Variants in NIN observed in about 807,000 individuals in gnomAD.
NIN encodes ninein.
NIN carries 137 observed loss-of-function variants against 257.6 expected under a neutral mutation model. The observed-to-expected ratio is 0.53, with a 90% CI of 0.46 to 0.61. The LOEUF is 0.61. NIN is among the 20% of genes least tolerant of loss of function. The pLI, the probability that NIN is intolerant of heterozygous loss-of-function variation, is 0.00. For missense variants in NIN, 2,439 were observed against 2,501.2 expected (o/e 0.98, Z 0.53); for synonymous variants, 918 against 919.8 (o/e 1.00, Z 0.04).
chr14:50,748,553 G>C (rs1390499227), intron 21 of NIN, among the ~76,000 whole-genome samples: 2 of 152,152 alleles, frequency 1.3e-5, no homozygotes, highest in Non-Finnish European at 2.9e-5. Context: ...CAGATGACGT[G>C]ATTGTGTATT....
chr14:50,723,904 A>G (rs945062749), intron 30 of NIN: 4 of 488,368 alleles, frequency 8.2e-6, no homozygotes, highest in African/African-American at 7.8e-5. Context: ...GTCAGTTACT[A>G]ATAGAACAGA....
chr14:50,809,318 G>A (rs753493502), intron 3 of NIN, among the ~76,000 whole-genome samples: 6 of 152,100 alleles, frequency 3.9e-5, no homozygotes, highest in South Asian at 2.1e-4. Context: ...TGGGGGCGGC[G>A]GCAGGGAGGT....
chr14:50,811,172 A>G (rs2044581482), intron 3 of NIN, among the ~76,000 whole-genome samples: 1 of 147,818 alleles, frequency 6.8e-6, no homozygotes, highest in African/African-American at 2.5e-5. Context: ...GCAGTGGCGC[A>G]ATCTTGGCTC....
intron 25 of NIN, 69 bp downstream of exon 25, chr14:50,741,513 C>T (rs1223763957): frequency 3.2e-6 from 3 of 951,602 alleles, no homozygotes; most frequent in Non-Finnish European, 1.4e-6. Context: ...TAAAAATAAC[C>T]AAGTTGTCCT....
At chr14:50,727,609 CTGTG>C in intron 29 of NIN, 1 of 1,429,012 alleles carries the variant, frequency 7.0e-7, no homozygotes, top group South Asian at 1.2e-5. Flanking sequence ...GCTTATGTCT[CTGTG>C]TGTGGTGTGT....
At chr14:50,752,221 CAT>C (rs2041818843) in intron 21 of NIN, among the ~76,000 whole-genome samples, 1 of 150,794 alleles carries the variant, frequency 6.6e-6, no homozygotes, top group African/African-American at 2.4e-5. Context: ...TGGAATGAAA[CAT>C]AGGTCTAATT....
At position 50,821,839 on chromosome 14, in the gene NIN, C is replaced by T. The variant is rs1188997766; in HGVS notation, c.183+35G>A. The stretch of plus-strand genomic sequence containing the variant: ...CAGCACCCCGGCAGAAACCGCACCC[C>T]ACTTCCCATAGCCACGTTCTTCCCC... On this transcript the variant is annotated intron_variant, in intron 3 of 30. Coordinates refer to ENST00000530997, the MANE Select transcript of NIN (RefSeq NM_020921.4). 6.3e-6 allele frequency: 10 copies of T among 1,577,564 alleles called. No individual in the cohort carries two copies. In the South Asian group the frequency reaches 1.0e-4, roughly 16 times the overall value.
At chr14:50,759,503 T>A (rs907742972) in intron 17 of NIN, among the ~76,000 whole-genome samples, 1 of 152,038 alleles carries the variant, frequency 6.6e-6, no homozygotes, top group African/African-American at 2.4e-5. Flanking sequence ...GCACTTTTTT[T>A]TTTTTTTTGA....
intron 16 of NIN, 107 bp downstream of exon 16, chr14:50,761,682 AC>A: frequency 7.8e-7 from 1 of 1,277,720 alleles, no homozygotes; most frequent in East Asian, 2.4e-5. Flanking sequence ...TGGGTTCCCA[AC>A]ATAGAATGTG....
At chr14:50,815,128 T>C (rs2044825987) in intron 3 of NIN, among the ~76,000 whole-genome samples, 1 of 152,186 alleles carries the variant, frequency 6.6e-6, no homozygotes, top group Non-Finnish European at 1.5e-5. Context: ...GAGAAAATTT[T>C]TGCAATCTAT....
chr14:50,736,773 G>T (rs2041000870), intron 27 of NIN, among the ~76,000 whole-genome samples: 1 of 152,080 alleles, frequency 6.6e-6, no homozygotes, highest in South Asian at 2.1e-4. Context: ...ACTGCAAATG[G>T]TCATGATAAC....
At chr14:50,728,569 T>G (rs1356893434) in intron 29 of NIN, among the ~76,000 whole-genome samples, 1 of 152,162 alleles carries the variant, frequency 6.6e-6, no homozygotes, top group Non-Finnish European at 1.5e-5. Flanking sequence ...AAATAAGAGA[T>G]AGGAAATTCC....
rs1291249589 is a variant in NIN, at chr14:50,772,414, T to C, written c.868A>G (p.Ile290Val). The change falls in exon 9 of 31, where the codon ATT becomes GTT. Residue 290 changes from isoleucine (I) to valine (V), a missense_variant. Physicochemically the swap from Ile to Val is conservative, Grantham distance 29. Transcript: ENST00000530997. Reference sequence around the variant, plus strand: ...AGGCAGGAGAAGACCCGAAAGCCAATGGTACTTGTCATTGCTGATGAGGTT... The same window carrying C: ...AGGCAGGAGAAGACCCGAAAGCCAACGGTACTTGTCATTGCTGATGAGGTT... ...TTTSSAMTST[I>V]GFRVFSCLDD... is the part of the protein sequence containing the mutation. The C allele has an allele frequency of 2.5e-6, 4 of 1,614,124 alleles. No individual in the cohort carries two copies. Among genetic ancestry groups the C allele is most frequent in the Middle Eastern group, 1.6e-4 (1 of 6,062 alleles).
Position 50,763,702 on chromosome 14 carries a change from A to C in NIN, c.1774+124T>G. ...AAGTGAAACAGCTCAAGAAAAGAGTATGGCCAAATTCTTTTTTTTTTTTTT... is the reference window on the plus strand; with the variant it reads ...AAGTGAAACAGCTCAAGAAAAGAGTCTGGCCAAATTCTTTTTTTTTTTTTT... On this transcript the variant is annotated intron_variant, in intron 15 of 30. Coordinates refer to ENST00000530997, the MANE Select transcript of NIN (RefSeq NM_020921.4). 6.0e-3 allele frequency: 3,830 copies of C among 635,092 alleles called. 1 individual carries two copies. Among genetic ancestry groups the C allele is most frequent in the Non-Finnish European group, 8.5e-3 (3,317 of 388,728 alleles). 39.3% of individuals were successfully genotyped at this position (635,092 alleles called of 1,614,324 possible). A position where few individuals can be genotyped will look rare whatever the true frequency, so the allele number is the denominator to read the frequency against.
chr14:50,800,915 T>C (rs1437681015), intron 4 of NIN, among the ~76,000 whole-genome samples: 1 of 151,990 alleles, frequency 6.6e-6, no homozygotes, highest in African/African-American at 2.4e-5. Context: ...CCTGAGTATC[T>C]GGCATTACAA....
rs1302803791 is a variant in NIN, at chr14:50,720,738, C to T, written c.*2725G>A. The stretch of plus-strand genomic sequence containing the variant: ...CAAATCTAAGCTTAAGTGCAGGCTT[C>T]TAAAAAGCAGAAGAGAGTACAATAG... On this transcript the variant is annotated 3_prime_UTR_variant, in exon 31 of 31. Transcript: ENST00000530997. The T allele has an allele frequency of 2.0e-5, 4 of 204,308 alleles. No homozygotes were observed. Among genetic ancestry groups the T allele is most frequent in the Non-Finnish European group, 4.0e-5 (4 of 99,568 alleles). The allele number at this position is 204,308 out of a possible 1,614,324, so 12.7% of individuals were successfully genotyped here.
chr14:50,738,359 A>T (rs1431295402), intron 26 of NIN, 73 bp from the exon 27 acceptor site: 7 of 1,380,524 alleles, frequency 5.1e-6, no homozygotes, highest in Non-Finnish European at 7.1e-6. Flanking sequence ...AAACATAGGG[A>T]AAGTTTTAAT....
At position 50,747,990 on chromosome 14, in the gene NIN, A is replaced by G; in HGVS notation, c.5064+2T>C. ...ACCCCCCTTAGCTGCACACAGCCTT[A>G]CCTGTTTCATTTTCTCCAGTTCATC... On this transcript the variant is annotated splice_donor_variant, in intron 22 of 30. Transcript: ENST00000530997. LOFTEE classifies it high-confidence loss of function. 2 of 1,597,828 alleles carry G rather than the reference A, an allele frequency of 1.3e-6. No homozygotes were observed. Among genetic ancestry groups the G allele is most frequent in the Non-Finnish European group, 1.7e-6 (2 of 1,165,066 alleles).
chr14:50,738,487 A>G (rs2041113499), intron 26 of NIN, among the ~76,000 whole-genome samples: 1 of 152,210 alleles, frequency 6.6e-6, no homozygotes. Flanking sequence ...CTGCAAACCC[A>G]GGACTGTAGG....
Sources: gnomAD v4.1 joint callset for allele counts (sites outside exome capture counted in the v4.1 genomes callset) on GRCh38, gnomAD v4.1.1 for gene constraint, MANE v1.5 for transcripts, NCBI Gene and HGNC (gene_info 2026-07-23, HGNC 2026-07-21) for gene names.